VPS53: variants seen among roughly 807,000 people sequenced by gnomAD.
VPS53 encodes vacuolar protein sorting-associated protein 53 homolog.
VPS53 carries 70 observed loss-of-function variants against 107.0 expected under a neutral mutation model. That is an observed-to-expected ratio of 0.65 (90% CI 0.54 to 0.80). The LOEUF is 0.80. Among genes scored for constraint, VPS53 ranks in the 30% least tolerant of loss-of-function variants. VPS53 has a pLI of 0.00. For missense variants in VPS53, 917 were observed against 1,049.4 expected (o/e 0.87, Z 1.74); for synonymous variants, 409 against 393.3 (o/e 1.04, Z -0.47).
chr17:672,108 T>TCACACACACACACA (rs1392614940), intron 4 of VPS53, among the ~76,000 whole-genome samples: 4 of 30,302 alleles, frequency 1.3e-4, no homozygotes, highest in African/African-American at 3.1e-4. Context: ...ATGATGAGGG[T>TCACACACACACACA]GACACACACA....
In VPS53 at chr17:623,582, C is replaced by T; in HGVS notation, c.1067G>A (p.Gly356Glu). ...FAIQRTTNFE[G>E]FLAKRFSGCT... Reference sequence around the variant, plus strand: ...GCCGGAGAAGCGTTTTGCAAGAAACCCCTCAAAGTTAGTTGTTCTTTGAAT... The same window carrying T: ...GCCGGAGAAGCGTTTTGCAAGAAACTCCTCAAAGTTAGTTGTTCTTTGAAT... The change falls in exon 11 of 22, where the codon GGG becomes GAG. Residue 356 changes from glycine (G) to glutamate (E), a missense_variant. Transcript: ENST00000437048. 1 of 1,613,714 alleles carries T rather than the reference C, an allele frequency of 6.2e-7. No homozygotes were observed. Among genetic ancestry groups the T allele is most frequent in the Non-Finnish European group, 8.5e-7 (1 of 1,179,706 alleles).
At chr17:591,308 G>C (rs903696853) in intron 12 of VPS53, among the ~76,000 whole-genome samples, 4 of 134,646 alleles carry the variant, frequency 3.0e-5, no homozygotes, top group African/African-American at 7.7e-5. Flanking sequence ...TATCAATTTT[G>C]TTGATCCTTT....
At chr17:606,676 A>G (rs529607106) in intron 11 of VPS53, among the ~76,000 whole-genome samples, 22 of 152,222 alleles carry the variant, frequency 1.4e-4, no homozygotes, top group African/African-American at 5.3e-4. Flanking sequence ...GCTGCATATC[A>G]CGAGGTGAGC....
intron 4 of VPS53, among the ~76,000 whole-genome samples, chr17:687,531 G>A (rs1972631017): frequency 1.3e-5 from 2 of 149,544 alleles, no homozygotes; most frequent in African/African-American, 5.0e-5. Flanking sequence ...AGCCAAGATC[G>A]CACCAATGCA....
intron 12 of VPS53, among the ~76,000 whole-genome samples, chr17:593,635 C>T (rs1417278997): frequency 2.6e-5 from 4 of 152,132 alleles, no homozygotes; most frequent in Non-Finnish European, 5.9e-5. Flanking sequence ...GTTAGAATGG[C>T]GATCATTAAA....
At chr17:541,953 C>T (rs78991802) in intron 17 of VPS53, among the ~76,000 whole-genome samples, 29,238 of 143,762 alleles carry the variant, frequency 0.2, 6,207 homozygotes, top group African/African-American at 0.55. Context: ...TACTACGCAC[C>T]AGGCGCTGAA....
At chr17:700,661 T>G (rs776552904) in intron 2 of VPS53, among the ~76,000 whole-genome samples, 4 of 152,186 alleles carry the variant, frequency 2.6e-5, no homozygotes, top group Non-Finnish European at 5.9e-5. Context: ...AAGGGATCAC[T>G]TCTGACCTTA....
chr17:593,592 A>G (rs1447723436), intron 12 of VPS53, among the ~76,000 whole-genome samples: 3 of 152,242 alleles, frequency 2.0e-5, no homozygotes, highest in Admixed American at 1.3e-4. Flanking sequence ...AGAAATGCAA[A>G]TCAAAACCAC....
rs73283522 is a variant in VPS53, at chr17:692,327, G to A, written c.285+5091C>T. ...CTCATCCACAAAGTTTTAAACGTGG[G>A]CATTTAATTAAAGCTTTTGACTGAT... On this transcript the variant is annotated intron_variant, in intron 4 of 21. Transcript: ENST00000437048. 9.9e-3 allele frequency among the ~76,000 whole-genome samples: 1,509 copies of A among 152,196 alleles called. 25 individuals carry two copies. The highest frequency in any genetic ancestry group is 0.034 in the African/African-American group (1,411 of 41,498).
chr17:610,940 G>GACAAAAA (rs1968842771), intron 11 of VPS53, among the ~76,000 whole-genome samples: 1 of 97,390 alleles, frequency 1.0e-5, no homozygotes. Context: ...TCTGTCTCAA[G>GACAAAAA]AAAAAAAAAA....
chr17:682,758 AAAG>A (rs1349474230), intron 4 of VPS53, among the ~76,000 whole-genome samples: 1 of 151,984 alleles, frequency 6.6e-6, no homozygotes, highest in African/African-American at 2.4e-5. Flanking sequence ...AAAAGAAAAA[AAAG>A]AAGAAAGGGA....
intron 2 of VPS53, 64 bp downstream of exon 2, chr17:710,469 G>T: frequency 1.5e-6 from 2 of 1,292,914 alleles, no homozygotes; most frequent in Non-Finnish European, 2.2e-6. Flanking sequence ...TGTAACACAC[G>T]AAGCATAACA....
At chr17:666,895 G>A (rs1196481810) in intron 4 of VPS53, among the ~76,000 whole-genome samples, 1 of 152,182 alleles carries the variant, frequency 6.6e-6, no homozygotes, top group Non-Finnish European at 1.5e-5. Flanking sequence ...CTCCAGCCTA[G>A]GCGACAGAGC....
chr17:560,370 G>A (rs1450644443), intron 15 of VPS53, 56 bp downstream of exon 15: 20 of 1,565,006 alleles, frequency 1.3e-5, no homozygotes, highest in Admixed American at 1.9e-5. Flanking sequence ...GCCGAGCGAC[G>A]CAGCCCAGAG....
At position 558,821 on chromosome 17, in the gene VPS53, T is replaced by TAA. The variant is rs35915328; in HGVS notation, c.1704+1603_1704+1604dup. Among the ~76,000 whole-genome samples the TAA allele has an allele frequency of 1.2e-3, 167 of 135,060 alleles. 1 individual carries two copies. The highest frequency in any genetic ancestry group is 7.9e-3 in the East Asian group (38 of 4,828). 88.6% of individuals were successfully genotyped at this position (135,060 alleles called of 152,430 possible). A position where few individuals can be genotyped will look rare whatever the true frequency, so the allele number is the denominator to read the frequency against. On this transcript the variant is annotated intron_variant, in intron 15 of 21. Transcript: ENST00000437048. ...CAAGATGGTGAAACCCCATCTCTAC[T>TAA]AAAAAAAAAAAAAAAATACAAAAAT...
At chr17:559,625 T>C (rs1162041593) in intron 15 of VPS53, among the ~76,000 whole-genome samples, 3 of 152,244 alleles carry the variant, frequency 2.0e-5, no homozygotes, top group African/African-American at 7.2e-5. Context: ...CCTGCTATAT[T>C]GCTGCCCTGG....
At chr17:697,537 G>A in intron 3 of VPS53, 53 bp from the exon 4 acceptor site, 2 of 1,448,344 alleles carry the variant, frequency 1.4e-6, no homozygotes, top group Admixed American at 1.8e-5. Context: ...ATTCTAGGTT[G>A]ACCAAAAGAA....
At position 578,302 on chromosome 17, in the gene VPS53, T is replaced by C. The variant is rs565255764; in HGVS notation, c.1313+7968A>G. Among the ~76,000 whole-genome samples the C allele has an allele frequency of 2.0e-5, 3 of 150,948 alleles. No individual in the cohort carries two copies. In the South Asian group the frequency reaches 6.3e-4, roughly 32 times the overall value. On this transcript the variant is annotated intron_variant, in intron 13 of 21. Transcript: ENST00000437048. The stretch of plus-strand genomic sequence containing the variant: ...AGAAATTCTCTCAGAACCTAATGCG[T>C]TCCCAGAGATGCTCCCTCAGAATTT...
At chr17:525,351 G>A (rs563919453) in intron 19 of VPS53, among the ~76,000 whole-genome samples, 2 of 152,242 alleles carry the variant, frequency 1.3e-5, no homozygotes, top group African/African-American at 4.8e-5. Flanking sequence ...GGTTCATGGG[G>A]GCGGTCTTCA....
Sources: gnomAD v4.1 joint callset for allele counts (sites outside exome capture counted in the v4.1 genomes callset) on GRCh38, gnomAD v4.1.1 for gene constraint, MANE v1.5 for transcripts, NCBI Gene and HGNC (gene_info 2026-07-23, HGNC 2026-07-21) for gene names.